Variants in PLXNC1 observed in about 807,000 individuals in gnomAD.
PLXNC1 encodes the protein plexin C1, also known as plexin-C1.
A neutral mutation model predicts 178.2 loss-of-function variants in PLXNC1; 75 were observed. The observed-to-expected ratio is 0.42, with a 90% CI of 0.35 to 0.51. PLXNC1 has a LOEUF of 0.51. Among genes scored for constraint, PLXNC1 ranks in the 20% least tolerant of loss-of-function variants. The pLI, the probability that PLXNC1 is intolerant of heterozygous loss-of-function variation, is 0.02. For missense variants in PLXNC1, 1,503 were observed against 1,984.4 expected, an observed-to-expected ratio of 0.76 and a Z score of 4.61; for synonymous variants, 790 against 779.9, an observed-to-expected ratio of 1.01 and a Z score of -0.22.
At chr12:94,177,526 G>GGAGAAAGAAAGAAA (rs141541994) in intron 2 of PLXNC1, among the ~76,000 whole-genome samples, 31,980 of 132,954 alleles carry the variant, frequency 0.24, 3,633 homozygotes, top group East Asian at 0.31. Flanking sequence ...AGAGAGAGAG[G>GGAGAAAGAAAGAAA]GAGAAAGAAA....
intron 10 of PLXNC1, 136 bp from the exon 11 acceptor site, chr12:94,240,349 T>G: frequency 1.6e-6 from 1 of 641,546 alleles, no homozygotes; most frequent in Non-Finnish European, 2.7e-6. Flanking sequence ...CCCTCATGAG[T>G]CAGTAGTTGC....
At chr12:94,252,637 G>A (rs7965254) in intron 15 of PLXNC1, among the ~76,000 whole-genome samples, 87,730 of 151,986 alleles carry the variant, frequency 0.58, 25,653 homozygotes, top group East Asian at 0.76. Flanking sequence ...ATTTGGAAAC[G>A]TCTCTTGAAA....
intron 24 of PLXNC1, among the ~76,000 whole-genome samples, chr12:94,295,732 T>G (rs57925369): frequency 0.26 from 38,713 of 151,810 alleles, 5,036 homozygotes; most frequent in Admixed American, 0.3. Flanking sequence ...TGGCACACAG[T>G]GGGTCACTAT....
chr12:94,170,305 A>G (rs779162690), intron 2 of PLXNC1, among the ~76,000 whole-genome samples: 7 of 152,092 alleles, frequency 4.6e-5, no homozygotes, highest in Non-Finnish European at 1.0e-4. Context: ...AAAGTCTCTA[A>G]TTCTGTCTTC....
At chr12:94,163,573 G>A (rs1329537599) in intron 1 of PLXNC1, among the ~76,000 whole-genome samples, 1 of 152,128 alleles carries the variant, frequency 6.6e-6, no homozygotes, top group Non-Finnish European at 1.5e-5. Flanking sequence ...TTGCTGGTGG[G>A]TTGGCCTGGG....
intron 1 of PLXNC1, among the ~76,000 whole-genome samples, chr12:94,157,352 C>G (rs1397180483): frequency 2.0e-5 from 3 of 152,164 alleles, no homozygotes; most frequent in Admixed American, 2.0e-4. Flanking sequence ...GATGACCACT[C>G]CCTTCCCCAA....
chr12:94,164,661 GCACACACACACACA>G lies in PLXNC1; in HGVS notation c.1063-4460_1063-4447del, dbSNP rs3060912. On this transcript the variant is annotated intron_variant, in intron 1 of 30. Transcript: ENST00000258526. Reference sequence around the variant, plus strand: ...CCTCATGATATGCCCATGACTCCCTGCACACACACACACACACACACACACACACACACACACAC... The same window carrying G: ...CCTCATGATATGCCCATGACTCCCTGCACACACACACACACACACACACAC... 5.0e-3 allele frequency among the ~76,000 whole-genome samples: 747 copies of G among 148,804 alleles called. 4 individuals are homozygous for G. The highest frequency in any genetic ancestry group is 9.8e-3 in the African/African-American group (395 of 40,268).
At chr12:94,283,738 A>C (rs550918162) in intron 23 of PLXNC1, among the ~76,000 whole-genome samples, 103 of 152,252 alleles carry the variant, frequency 6.8e-4, no homozygotes, top group African/African-American at 2.4e-3. Flanking sequence ...TGGGGGCCAC[A>C]AGATCAGATG....
At chr12:94,171,019 G>T (rs955889801) in intron 2 of PLXNC1, among the ~76,000 whole-genome samples, 1 of 152,202 alleles carries the variant, frequency 6.6e-6, no homozygotes, top group African/African-American at 2.4e-5. Flanking sequence ...TTTTTGATGA[G>T]TGTTTTGACA....
intron 1 of PLXNC1, among the ~76,000 whole-genome samples, chr12:94,160,865 T>G (rs1031050891): frequency 6.6e-6 from 1 of 152,224 alleles, no homozygotes; most frequent in Non-Finnish European, 1.5e-5. Flanking sequence ...TAATGTATCT[T>G]AACACATTCA....
intron 18 of PLXNC1, 90 bp downstream of exon 18, chr12:94,259,465 T>C: frequency 8.2e-7 from 1 of 1,222,026 alleles, no homozygotes; most frequent in Non-Finnish European, 1.1e-6. Flanking sequence ...ATTATTACTT[T>C]GAATTTTTAT....
intron 23 of PLXNC1, among the ~76,000 whole-genome samples, chr12:94,286,469 TG>T (rs1565861199): frequency 6.6e-6 from 1 of 152,134 alleles, no homozygotes; most frequent in Admixed American, 6.5e-5. Context: ...TTGACAGGGC[TG>T]GGCTGAAGTT....
chr12:94,223,970 C>G (rs2610669), intron 6 of PLXNC1, among the ~76,000 whole-genome samples: 1 of 152,036 alleles, frequency 6.6e-6, no homozygotes, highest in Non-Finnish European at 1.5e-5. Flanking sequence ...TGGCTTCTTC[C>G]TAGTGATTAT....
chr12:94,296,921 T>C (rs1047774587), intron 24 of PLXNC1, among the ~76,000 whole-genome samples: 2 of 152,180 alleles, frequency 1.3e-5, no homozygotes, highest in African/African-American at 4.8e-5. Context: ...GTTAAATGAA[T>C]GAGGCTTGAG....
chr12:94,190,678 C>G (rs1048102604), intron 4 of PLXNC1, among the ~76,000 whole-genome samples: 8 of 152,336 alleles, frequency 5.3e-5, no homozygotes, highest in Admixed American at 2.6e-4. Context: ...AGAACTCAGT[C>G]TGACTCCCTT....
intron 20 of PLXNC1, among the ~76,000 whole-genome samples, chr12:94,264,674 A>G (rs1965137308): frequency 6.6e-6 from 1 of 152,260 alleles, no homozygotes; most frequent in African/African-American, 2.4e-5. Context: ...CATTTTTTTA[A>G]ATGTCGTTTA....
intron 4 of PLXNC1, among the ~76,000 whole-genome samples, chr12:94,193,170 A>T (rs1053137043): frequency 3.9e-5 from 6 of 152,134 alleles, no homozygotes; most frequent in Non-Finnish European, 8.8e-5. Flanking sequence ...ACATTAAAGA[A>T]TTTGAATTTT....
chr12:94,211,588 T>C (rs929679991), intron 5 of PLXNC1, among the ~76,000 whole-genome samples: 2 of 152,252 alleles, frequency 1.3e-5, no homozygotes, highest in African/African-American at 4.8e-5. Context: ...AGTAACATTC[T>C]AGTCACTTTG....
At chr12:94,249,523 C>T (rs751781848) in intron 14 of PLXNC1, among the ~76,000 whole-genome samples, 15 of 152,020 alleles carry the variant, frequency 9.9e-5, no homozygotes, top group South Asian at 4.2e-4. Context: ...TGTGAGCTAC[C>T]GCGCCCAGCC....
Sources: allele counts gnomAD v4.1 joint callset (sites outside exome capture counted in the v4.1 genomes callset), GRCh38; gene constraint gnomAD v4.1.1; transcripts MANE v1.5; gene names NCBI Gene and HGNC (gene_info 2026-07-23, HGNC 2026-07-21).